SLC37A3: variants seen among roughly 807,000 people sequenced by gnomAD.
SLC37A3 encodes solute carrier family 37 member 3.
In SLC37A3, 51 loss-of-function variants were observed where a neutral mutation model predicts 67.1. The observed-to-expected ratio is 0.76, with a 90% CI of 0.61 to 0.96. The LOEUF (loss-of-function observed/expected upper bound fraction) is 0.96. Among genes scored for constraint, SLC37A3 ranks in the 40% least tolerant of loss-of-function variants. The pLI is 0.00. For synonymous variants in SLC37A3, 214 were observed against 231.4 expected (o/e 0.92, Z 0.68); for missense variants, 508 against 603.0 (o/e 0.84, Z 1.65).
chr7:140,348,951 C>G (rs1455956167), intron 9 of SLC37A3, among the ~76,000 whole-genome samples, 184 bp from the exon 10 acceptor site: 1 of 152,204 alleles, frequency 6.6e-6, no homozygotes, highest in African/African-American at 2.4e-5. Context: ...TGCTCTTCAT[C>G]CCTGTTAACT....
chr7:140,380,162 G>A (rs937893708), intron 3 of SLC37A3, 120 bp downstream of exon 3: 8 of 535,360 alleles, frequency 1.5e-5, no homozygotes, highest in Non-Finnish European at 2.7e-5. Flanking sequence ...TTATGTGATA[G>A]GAAACAGTGA....
chr7:140,362,820 G>A (rs1323092290), intron 5 of SLC37A3, among the ~76,000 whole-genome samples: 1 of 83,672 alleles, frequency 1.2e-5, no homozygotes, highest in African/African-American at 4.5e-5. Flanking sequence ...TCCCGGAGGT[G>A]AGGGGCGCCT....
chr7:140,396,087 TTCACTGCAGCC>T (rs1013259675), intron 1 of SLC37A3, among the ~76,000 whole-genome samples: 8 of 151,932 alleles, frequency 5.3e-5, no homozygotes, highest in Admixed American at 1.3e-4. Flanking sequence ...GTGATCATAG[TTCACTGCAGCC>T]TCAATCTCCT....
chr7:140,384,958 G>C (rs193243212), intron 1 of SLC37A3, among the ~76,000 whole-genome samples: 174 of 152,234 alleles, frequency 1.1e-3, no homozygotes, highest in Non-Finnish European at 1.6e-3. Context: ...TAAAGACTAA[G>C]AGACCCAGCA....
Position 140,348,611 on chromosome 7 carries a change from G to T in SLC37A3, c.1024+15C>A. 1 of 1,592,146 alleles carries T rather than the reference G, an allele frequency of 6.3e-7. No individual in the cohort carries two copies. Among genetic ancestry groups the T allele is most frequent in the Non-Finnish European group, 8.5e-7 (1 of 1,173,030 alleles). ...ACTAACTCTTTATTATGGAAAAGAT[G>T]TATCACCGGCATACCTATGATCCCT... On this transcript the variant is annotated intron_variant, in intron 10 of 14. Coordinates refer to ENST00000326232, the MANE Select transcript of SLC37A3 (RefSeq NM_207113.3).
chr7:140,371,004 C>A (rs764578403), intron 3 of SLC37A3, among the ~76,000 whole-genome samples: 1 of 152,048 alleles, frequency 6.6e-6, no homozygotes, highest in Non-Finnish European at 1.5e-5. Context: ...GGAATATCCA[C>A]CAGTCTAAAA....
At chr7:140,384,555 T>TA (rs202061188) in intron 1 of SLC37A3, among the ~76,000 whole-genome samples, 2,203 of 141,290 alleles carry the variant, frequency 0.016, 37 homozygotes, top group African/African-American at 0.044. Context: ...CTACAAAAAC[T>TA]AAAAAAAAAA....
chr7:140,351,521 A>C lies in SLC37A3; in HGVS notation c.704-70T>G, dbSNP rs544294335. ...TGTGAAGGGCTCTGCATACATCCCTACTTATGAGGTGATGTTATTTTTATT... is the reference window on the plus strand; with the variant it reads ...TGTGAAGGGCTCTGCATACATCCCTCCTTATGAGGTGATGTTATTTTTATT... On this transcript the variant is annotated intron_variant, in intron 8 of 14. Transcript: ENST00000326232. 1.1e-3 allele frequency: 1,599 copies of C among 1,418,636 alleles called. 32 individuals are homozygous for C. The South Asian group carries it at 0.02, about 18-fold the overall frequency. The allele number at this position is 1,418,636 out of a possible 1,614,324, so 87.9% of individuals were successfully genotyped here.
Position 140,352,114 on chromosome 7 carries a change from A to G in SLC37A3, c.651T>C (p.Phe217=). The G allele has an allele frequency of 6.2e-7, 1 of 1,613,582 alleles. No homozygotes were observed. Among genetic ancestry groups the G allele is most frequent in the East Asian group, 2.2e-5 (1 of 44,878 alleles). ...CAAAGAAGATAACGATCCCACCAGC[A>G]AACTGCACAGACGCCGTCACCAGAA... is the stretch of plus-strand genomic sequence containing the variant. ...YAFLVTASVQ[F]AGGIVIFFGL... is the part of the protein sequence containing the mutation. Residue 217 remains phenylalanine, a synonymous_variant, in exon 8 of 15, where the codon TTT becomes TTC. Coordinates refer to ENST00000326232, the MANE Select transcript of SLC37A3 (RefSeq NM_207113.3).
chr7:140,363,758 A>G lies in SLC37A3; in HGVS notation c.375+650T>C, dbSNP rs1797480380. On this transcript the variant is annotated intron_variant, in intron 5 of 14. Transcript: ENST00000326232. Reference sequence around the variant, plus strand: ...TCCGCCTCAAAAAAAAAAAAAAAAAAAAAAAAAGAAAGGAGCGGGATGTTA... The same window carrying G: ...TCCGCCTCAAAAAAAAAAAAAAAAAGAAAAAAAGAAAGGAGCGGGATGTTA... Among the ~76,000 whole-genome samples, 4 of 139,918 alleles carry G rather than the reference A, an allele frequency of 2.9e-5. No homozygotes were observed. The South Asian group carries it at 9.5e-4, about 33-fold the overall frequency. The allele number at this position is 139,918 out of a possible 152,430, so 91.8% of individuals were successfully genotyped here. A position where few individuals can be genotyped will look rare whatever the true frequency, so the allele number is the denominator to read the frequency against.
At chr7:140,387,149 G>A (rs56402448) in intron 1 of SLC37A3, among the ~76,000 whole-genome samples, 14,830 of 151,822 alleles carry the variant, frequency 0.098, 1,167 homozygotes, top group East Asian at 0.23. Context: ...TTTCAAAATC[G>A]AGTACATTGT....
chr7:140,339,974 G>A (rs1461127011), intron 13 of SLC37A3, among the ~76,000 whole-genome samples: 4 of 150,860 alleles, frequency 2.7e-5, no homozygotes, highest in East Asian at 2.0e-4. Flanking sequence ...TCCTGACCTC[G>A]TGATCCGCCC....
At chr7:140,373,506 A>G (rs1563040459) in intron 3 of SLC37A3, among the ~76,000 whole-genome samples, 1 of 152,182 alleles carries the variant, frequency 6.6e-6, no homozygotes, top group Non-Finnish European at 1.5e-5. Flanking sequence ...AGATTCCATC[A>G]CTGGAACTAA....
intron 2 of SLC37A3, among the ~76,000 whole-genome samples, chr7:140,381,955 A>G (rs1798270755): frequency 6.7e-6 from 1 of 149,152 alleles, no homozygotes; most frequent in South Asian, 2.1e-4. Context: ...CGGAGGTTGC[A>G]GTGAGCTGAG....
intron 1 of SLC37A3, among the ~76,000 whole-genome samples, chr7:140,394,071 G>A (rs1232499023): frequency 6.6e-6 from 1 of 152,116 alleles, no homozygotes; most frequent in Non-Finnish European, 1.5e-5. Flanking sequence ...CTCGAGAGGT[G>A]GAGGCGGGAG....
At chr7:140,362,338 G>A (rs1797351718) in intron 5 of SLC37A3, among the ~76,000 whole-genome samples, 1 of 143,440 alleles carries the variant, frequency 7.0e-6, no homozygotes, top group East Asian at 2.2e-4. Context: ...GAGAAGTGAG[G>A]AGCCCCTCCG....
intron 7 of SLC37A3, among the ~76,000 whole-genome samples, chr7:140,353,504 A>G (rs1265345521): frequency 6.6e-6 from 1 of 151,518 alleles, no homozygotes; most frequent in Non-Finnish European, 1.5e-5. Flanking sequence ...AGTACAGTAA[A>G]AACTCTCCTT....
chr7:140,374,018 A>G (rs894762565), intron 3 of SLC37A3, among the ~76,000 whole-genome samples: 2 of 152,190 alleles, frequency 1.3e-5, no homozygotes, highest in African/African-American at 2.4e-5. Flanking sequence ...AAAAACTCCA[A>G]TGTATTTTTT....
chr7:140,363,166 C>G (rs1797435639), intron 5 of SLC37A3, among the ~76,000 whole-genome samples: 1 of 86,272 alleles, frequency 1.2e-5, no homozygotes, highest in African/African-American at 4.3e-5. Context: ...AGCCCCTCTG[C>G]CCGGCCACGA....
Sources: gnomAD v4.1 joint callset for allele counts (sites outside exome capture counted in the v4.1 genomes callset) on GRCh38, gnomAD v4.1.1 for gene constraint, MANE v1.5 for transcripts, NCBI Gene and HGNC (gene_info 2026-07-23, HGNC 2026-07-21) for gene names.